DLG2: variants seen among roughly 807,000 people sequenced by gnomAD.
DLG2 encodes the protein discs large MAGUK scaffold protein 2, also known as disks large homolog 2.
DLG2 carries 45 observed loss-of-function variants against 132.5 expected under a neutral mutation model. The ratio of observed to expected loss-of-function variants is 0.34; its 90% confidence interval spans 0.27 to 0.44. The LOEUF (loss-of-function observed/expected upper bound fraction) is 0.44, where lower values mean the gene tolerates loss of function less well. Among genes scored for constraint, DLG2 ranks in the 20% least tolerant of loss-of-function variants. The pLI is 1.00. For missense variants in DLG2, 1,045 were observed against 1,196.9 expected (o/e 0.87, Z 1.87); for synonymous variants, 424 against 419.6 (o/e 1.01, Z -0.13).
rs185901340 is a variant in DLG2, at chr11:84,897,808, A to T, written c.357+213853T>A. 2.6e-5 allele frequency among the ~76,000 whole-genome samples: 4 copies of T among 152,016 alleles called. No individual in the cohort carries two copies. In the East Asian group the frequency reaches 7.7e-4, roughly 29 times the overall value. On this transcript the variant is annotated intron_variant, in intron 6 of 27. Coordinates refer to ENST00000376104, the MANE Select transcript of DLG2 (RefSeq NM_001142699.3). ...TTTTATAACTTCTTTAGAGTAAAGC[A>T]TTTAAGGTAATTTAACACTTACTGG...
At chr11:84,034,675 G>T (rs754530653) in intron 11 of DLG2, among the ~76,000 whole-genome samples, 13 of 152,126 alleles carry the variant, frequency 8.5e-5, no homozygotes, top group Non-Finnish European at 1.9e-4. Flanking sequence ...GAGTAAATTT[G>T]CATCCAGTGG....
chr11:84,187,808 A>G (rs576555550), intron 8 of DLG2, among the ~76,000 whole-genome samples: 2 of 152,228 alleles, frequency 1.3e-5, no homozygotes, highest in African/African-American at 4.8e-5. Context: ...TCAATAGAAC[A>G]GGAATATTCC....
chr11:85,620,398 A>G (rs1012082617), intron 2 of DLG2, among the ~76,000 whole-genome samples: 4 of 152,220 alleles, frequency 2.6e-5, no homozygotes, highest in Admixed American at 6.5e-5. Flanking sequence ...TCAGTGTTCA[A>G]GTGAAAGGAA....
At chr11:85,358,301 C>T (rs1314747498) in intron 3 of DLG2, among the ~76,000 whole-genome samples, 2 of 152,214 alleles carry the variant, frequency 1.3e-5, no homozygotes, top group Non-Finnish European at 2.9e-5. Context: ...AGCTCCCTCA[C>T]TCTCTGTGTT....
intron 15 of DLG2, among the ~76,000 whole-genome samples, chr11:83,889,480 G>T (rs2069003149): frequency 6.6e-6 from 1 of 152,188 alleles, no homozygotes; most frequent in African/African-American, 2.4e-5. Flanking sequence ...AGGATGTGGA[G>T]AAATAGGAAC....
intron 6 of DLG2, among the ~76,000 whole-genome samples, chr11:85,062,477 C>A (rs946902772): frequency 6.7e-6 from 1 of 149,722 alleles, no homozygotes; most frequent in African/African-American, 2.5e-5. Context: ...ATTGAAAAGT[C>A]ATTAAATGCA....
At chr11:84,668,615 T>C (rs1180150926) in intron 6 of DLG2, among the ~76,000 whole-genome samples, 1 of 152,150 alleles carries the variant, frequency 6.6e-6, no homozygotes, top group Non-Finnish European at 1.5e-5. Context: ...ATCAGCATTC[T>C]AAGAAAAAAC....
At chr11:84,267,557 A>G (rs2097657323) in intron 7 of DLG2, among the ~76,000 whole-genome samples, 1 of 152,196 alleles carries the variant, frequency 6.6e-6, no homozygotes, top group East Asian at 1.9e-4. Context: ...CACTGGCTTA[A>G]GCAAAATTTG....
rs73519788 is a variant in DLG2 at position 84,253,405 on chromosome 11, G to A, written c.520-2114C>T. On this transcript the variant is annotated intron_variant, in intron 7 of 27. Transcript: ENST00000376104. ...TCCAAAAAGGTTGAAGATCAAATGA[G>A]GTGATATAGTTGAGTGTGCTTGGTA... 9.7e-3 allele frequency among the ~76,000 whole-genome samples: 1,482 copies of A among 152,214 alleles called. 24 individuals are homozygous for A. The highest frequency in any genetic ancestry group is 0.034 in the African/African-American group (1,410 of 41,540).
chr11:84,423,884 C>T (rs1379375827), intron 7 of DLG2, among the ~76,000 whole-genome samples: 5 of 152,142 alleles, frequency 3.3e-5, no homozygotes, highest in Non-Finnish European at 4.4e-5. Context: ...CCATCTTCTG[C>T]TATTTGAATG....
At chr11:84,623,729 G>A (rs1191313237) in intron 6 of DLG2, among the ~76,000 whole-genome samples, 2 of 152,082 alleles carry the variant, frequency 1.3e-5, no homozygotes, top group African/African-American at 4.8e-5. Context: ...ATAAACAAAT[G>A]CAATGTTAAT....
rs192800158 is a variant in DLG2 at position 85,253,755 on chromosome 11, T to C, written c.186+31465A>G. On this transcript the variant is annotated intron_variant, in intron 4 of 27. Coordinates refer to ENST00000376104, the MANE Select transcript of DLG2 (RefSeq NM_001142699.3). ...TGAGATCATACAAATGAACTGAAGA[T>C]GGTAAATGTGGGAGATTTCATTGCC... is the stretch of plus-strand genomic sequence containing the variant. 2.0e-5 allele frequency among the ~76,000 whole-genome samples: 3 copies of C among 152,016 alleles called. No individual in the cohort carries two copies. The East Asian group carries it at 5.8e-4, about 29-fold the overall frequency.
chr11:84,004,068 G>C (rs1350334658), intron 11 of DLG2, among the ~76,000 whole-genome samples: 4 of 151,920 alleles, frequency 2.6e-5, no homozygotes, highest in Non-Finnish European at 5.9e-5. Context: ...TGAAGAGAAA[G>C]AAATTCTCCC....
At chr11:83,517,818 A>C (rs1396562565) in intron 21 of DLG2, among the ~76,000 whole-genome samples, 1 of 152,196 alleles carries the variant, frequency 6.6e-6, no homozygotes, top group African/African-American at 2.4e-5. Context: ...TATCAGCAGC[A>C]GAGGCTGCAG....
intron 5 of DLG2, among the ~76,000 whole-genome samples, chr11:85,130,746 T>TC (rs558645975): frequency 6.6e-6 from 1 of 152,254 alleles, no homozygotes; most frequent in South Asian, 2.1e-4. Flanking sequence ...AAGTTTCTTG[T>TC]CAAACAGTCC....
In DLG2 at chr11:85,538,578, A is replaced by G. The variant is rs543658189; in HGVS notation, c.40+60079T>C. On this transcript the variant is annotated intron_variant, in intron 3 of 27. Coordinates refer to ENST00000376104, the MANE Select transcript of DLG2 (RefSeq NM_001142699.3). ...CAGCACTTTTCACAATAGCAAAGACATGGAATCCACCCAAATGCCCATCAA... is the reference window on the plus strand; with the variant it reads ...CAGCACTTTTCACAATAGCAAAGACGTGGAATCCACCCAAATGCCCATCAA... Among the ~76,000 whole-genome samples, 62 of 152,064 alleles carry G rather than the reference A, an allele frequency of 4.1e-4. 1 individual carries two copies. The highest frequency in any genetic ancestry group is 7.9e-4 in the Non-Finnish European group (54 of 68,024).
chr11:84,701,928 G>A (rs192891145), intron 6 of DLG2, among the ~76,000 whole-genome samples: 19 of 151,336 alleles, frequency 1.3e-4, no homozygotes, highest in Admixed American at 9.9e-4. Context: ...CCTTTCTGTC[G>A]AAATCGTCAT....
chr11:84,857,278 G>T (rs1444552919), intron 6 of DLG2, among the ~76,000 whole-genome samples: 1 of 151,902 alleles, frequency 6.6e-6, no homozygotes, highest in African/African-American at 2.4e-5. Flanking sequence ...CAGGATTGAA[G>T]AGGTTAAAGA....
chr11:83,474,160 G>C (rs559120014), intron 22 of DLG2, among the ~76,000 whole-genome samples: 1 of 152,214 alleles, frequency 6.6e-6, no homozygotes, highest in African/African-American at 2.4e-5. Flanking sequence ...GAAGTGTTCA[G>C]GGGACTCTGC....
Sources: gnomAD v4.1 joint callset for allele counts (sites outside exome capture counted in the v4.1 genomes callset) on GRCh38, gnomAD v4.1.1 for gene constraint, MANE v1.5 for transcripts, NCBI Gene and HGNC (gene_info 2026-07-23, HGNC 2026-07-21) for gene names.